Variants in ZFHX3 observed in about 807,000 individuals in gnomAD.
ZFHX3 encodes the protein zinc finger homeobox protein 3.
Under a neutral mutation model 279.1 loss-of-function variants are expected in ZFHX3, and 42 were observed. The observed-to-expected ratio is 0.15, with a 90% CI of 0.12 to 0.19. The LOEUF is 0.19. ZFHX3 is among the 10% of genes least tolerant of loss of function. The pLI, the probability that ZFHX3 is intolerant of heterozygous loss-of-function variation, is 1.00. For missense variants in ZFHX3, 4,981 were observed against 4,754.0 expected, an observed-to-expected ratio of 1.05 and a Z score of -1.40; for synonymous variants, 2,293 against 1,957.8, an observed-to-expected ratio of 1.17 and a Z score of -4.52.
chr16:73,715,516 G>A (rs1436260498), intron 1 of ZFHX3, among the ~76,000 whole-genome samples: 1 of 149,734 alleles, frequency 6.7e-6, no homozygotes, highest in Non-Finnish European at 1.5e-5. Flanking sequence ...TGAAGACACT[G>A]AGGCCGAAAC....
intron 3 of ZFHX3, among the ~76,000 whole-genome samples, chr16:72,898,777 G>C: frequency 6.7e-6 from 1 of 150,270 alleles, no homozygotes; most frequent in East Asian, 1.9e-4. Flanking sequence ...GTGTGTAGGT[G>C]CTTCGCCCAT....
At chr16:72,896,157 T>C (rs1378507810) in intron 3 of ZFHX3, among the ~76,000 whole-genome samples, 2 of 152,176 alleles carry the variant, frequency 1.3e-5, no homozygotes, top group Non-Finnish European at 2.9e-5. Flanking sequence ...AACTGGAAAT[T>C]TGGCACACGT....
Position 73,822,690 on chromosome 16 carries a change from A to G in ZFHX3, c.-1608+68961T>C, listed in dbSNP as rs143337873. ...CAGTTGTAACTGAGTTCAATTTGAA[A>G]AGAAATCAAATGTTTGGATGAAAGT... is the stretch of plus-strand genomic sequence containing the variant. On this transcript the variant is annotated intron_variant, in intron 1 of 17. Coordinates refer to the ZFHX3 transcript ENST00000641206. Among the ~76,000 whole-genome samples, 911 of 152,330 alleles carry G rather than the reference A, an allele frequency of 6.0e-3. 5 individuals carry two copies. The highest frequency in any genetic ancestry group is 7.9e-3 in the South Asian group (38 of 4,826).
At chr16:73,473,748 A>G (rs879728939) in intron 2 of ZFHX3, among the ~76,000 whole-genome samples, 1 of 152,162 alleles carries the variant, frequency 6.6e-6, no homozygotes, top group African/African-American at 2.4e-5. Flanking sequence ...AACAAACACA[A>G]ATTGAACTGG....
intron 1 of ZFHX3, among the ~76,000 whole-genome samples, chr16:72,999,668 T>C (rs961332993): frequency 3.3e-5 from 5 of 152,204 alleles, no homozygotes; most frequent in Non-Finnish European, 7.3e-5. Context: ...GACCCCATCC[T>C]ATTGGGCACG....
chr16:72,832,903 T>C (rs925570487), intron 4 of ZFHX3, among the ~76,000 whole-genome samples: 1 of 152,386 alleles, frequency 6.6e-6, no homozygotes, highest in Non-Finnish European at 1.5e-5. Context: ...TCTGTCTTTA[T>C]ACCATCATCA....
chr16:73,267,163 G>T (rs912126734), intron 4 of ZFHX3, among the ~76,000 whole-genome samples: 1 of 152,188 alleles, frequency 6.6e-6, no homozygotes, highest in Non-Finnish European at 1.5e-5. Context: ...GTTTGCCTGG[G>T]ATTAGCGGAA....
At chr16:73,390,970 C>T (rs760733233) in intron 3 of ZFHX3, among the ~76,000 whole-genome samples, 19 of 151,708 alleles carry the variant, frequency 1.3e-4, no homozygotes, top group Non-Finnish European at 2.5e-4. Flanking sequence ...GTGTCACATG[C>T]CCAGAAGCTA....
At chr16:73,736,601 G>A (rs28711818) in intron 1 of ZFHX3, among the ~76,000 whole-genome samples, 9,685 of 152,280 alleles carry the variant, frequency 0.064, 416 homozygotes, top group African/African-American at 0.12. Context: ...AAAATGCCCT[G>A]CTTTTCTCTT....
chr16:73,298,191 T>TAAC (rs200635669), intron 4 of ZFHX3, among the ~76,000 whole-genome samples: 31 of 150,912 alleles, frequency 2.1e-4, no homozygotes, highest in African/African-American at 1.5e-4. Context: ...ACCCTGTCTC[T>TAAC]AACAACAACA....
chr16:72,799,578 C>G (rs373748073), intron 8 of ZFHX3, among the ~76,000 whole-genome samples: 5 of 152,218 alleles, frequency 3.3e-5, no homozygotes, highest in African/African-American at 9.6e-5. Context: ...AATGTTCTTT[C>G]CATCAGCATC....
intron 1 of ZFHX3, among the ~76,000 whole-genome samples, chr16:73,857,664 A>C (rs916828852): frequency 6.6e-6 from 1 of 152,164 alleles, no homozygotes; most frequent in African/African-American, 2.4e-5. Flanking sequence ...GTAAGTCATA[A>C]CATGCTGCAC....
Position 73,495,264 on chromosome 16 carries a change from G to A in ZFHX3, c.-1546-39006C>T, listed in dbSNP as rs577190274. Reference sequence around the variant, plus strand: ...AATTTGAAAAGCGAATAACCCTAAAGAAAAGGAAGATGCTCTGTATCGGAG... The same window carrying A: ...AATTTGAAAAGCGAATAACCCTAAAAAAAAGGAAGATGCTCTGTATCGGAG... On this transcript the variant is annotated intron_variant, in intron 2 of 17. Coordinates refer to the ZFHX3 transcript ENST00000641206. Among the ~76,000 whole-genome samples, 15 of 152,232 alleles carry A rather than the reference G, an allele frequency of 9.9e-5. No individual in the cohort carries two copies. In the East Asian group the frequency reaches 2.3e-3, roughly 24 times the overall value.
chr16:73,348,532 T>C (rs376169065), intron 3 of ZFHX3, among the ~76,000 whole-genome samples: 375 of 152,344 alleles, frequency 2.5e-3, no homozygotes, highest in African/African-American at 8.6e-3. Flanking sequence ...GTTTGATGTT[T>C]CCACGGGCGT....
chr16:73,085,561 A>G (rs532298770), intron 8 of ZFHX3, among the ~76,000 whole-genome samples: 10 of 152,340 alleles, frequency 6.6e-5, no homozygotes, highest in African/African-American at 1.7e-4. Context: ...CTCATTTTCA[A>G]CAAAAAACAT....
rs1961423878 is a variant in ZFHX3, at chr16:72,959,077, G to A, written c.1069C>T (p.Leu357Phe). The change falls in exon 2 of 10, where the codon CTC becomes TTC. Residue 357 changes from leucine (L) to phenylalanine (F), a missense_variant. This residue lies in a region of ZFHX3 where 1,068 missense variants were observed against 935.2 expected (regional missense o/e 1.14). Coordinates refer to ENST00000268489, the MANE Select transcript of ZFHX3 (RefSeq NM_006885.4). ...FQHPLVSTAN[L>F]IGPGHSFYGK... is the part of the protein sequence containing the mutation. ...TAAAAACTGTGTCCGGGGCCTATGAGGTTAGCTGTGGAAACTAAAGGGTGT... is the reference window on the plus strand; with the variant it reads ...TAAAAACTGTGTCCGGGGCCTATGAAGTTAGCTGTGGAAACTAAAGGGTGT... 3 of 1,614,196 alleles carry A rather than the reference G, an allele frequency of 1.9e-6. No individual in the cohort carries two copies.
chr16:73,731,334 T>C (rs2053568158), intron 1 of ZFHX3, among the ~76,000 whole-genome samples: 1 of 152,148 alleles, frequency 6.6e-6, no homozygotes, highest in African/African-American at 2.4e-5. Context: ...GCACTGTGTA[T>C]GCAAAAAACC....
chr16:73,793,814 C>T (rs558976744), intron 1 of ZFHX3, among the ~76,000 whole-genome samples: 2 of 152,156 alleles, frequency 1.3e-5, no homozygotes, highest in East Asian at 1.9e-4. Context: ...TCAGCAGAGA[C>T]GCTGGCATGT....
chr16:73,044,419 A>T (rs938094215), intron 1 of ZFHX3, among the ~76,000 whole-genome samples: 1 of 152,228 alleles, frequency 6.6e-6, no homozygotes, highest in Non-Finnish European at 1.5e-5. Context: ...AAATGAAAGC[A>T]TAAACCACAG....
Sources: allele counts gnomAD v4.1 joint callset (sites outside exome capture counted in the v4.1 genomes callset), GRCh38; gene constraint gnomAD v4.1.1; regional missense constraint gnomAD v4.1.1; transcripts MANE v1.5; gene names NCBI Gene and HGNC (gene_info 2026-07-23, HGNC 2026-07-21).